The following GNAI1 variants were observed in gnomAD, a reference collection of about 807,000 sequenced individuals.
The protein encoded by GNAI1 is guanine nucleotide-binding protein G(i) subunit alpha-1.
In GNAI1, 11 loss-of-function variants were observed where a neutral mutation model predicts 38.9. The ratio of observed to expected loss-of-function variants is 0.28; its 90% CI spans 0.18 to 0.47. The LOEUF is 0.47. Among genes scored for constraint, GNAI1 ranks in the 20% least tolerant of loss-of-function variants. The probability of loss-of-function intolerance (pLI) is 0.99; values close to 1 mark genes in which losing one functional copy is unlikely to be tolerated. For synonymous variants in GNAI1, 166 were observed against 145.1 expected, an observed-to-expected ratio of 1.14 and a Z score of -1.04; for missense variants, 317 against 436.9, an observed-to-expected ratio of 0.73 and a Z score of 2.45.
intron 1 of GNAI1, among the ~76,000 whole-genome samples, chr7:80,155,460 C>T (rs1346418856): frequency 6.6e-6 from 1 of 152,118 alleles, no homozygotes; most frequent in Non-Finnish European, 1.5e-5. Flanking sequence ...TCAGTGATTT[C>T]CGTTAGGTAG....
intron 1 of GNAI1, among the ~76,000 whole-genome samples, chr7:80,175,284 T>G (rs1788161761): frequency 6.6e-6 from 1 of 152,212 alleles, no homozygotes; most frequent in African/African-American, 2.4e-5. Context: ...TCTCGGCGTC[T>G]TCACAAGACT....
rs949835727 is a variant in GNAI1, at chr7:80,186,320, C to T, written c.119-2631C>T. Among the ~76,000 whole-genome samples the T allele has an allele frequency of 3.9e-5, 6 of 152,212 alleles. No homozygotes were observed. The South Asian group carries it at 6.2e-4, about 16-fold the overall frequency. ...TGCTGGGATTACAGGCATGAGCCAC[C>T]GTGCCTGGCCCCCCACTCTTTAATG... On this transcript the variant is annotated intron_variant, in intron 1 of 7. Coordinates refer to ENST00000649796, the MANE Select transcript of GNAI1 (RefSeq NM_002069.6).
At position 80,135,129 on chromosome 7, in the gene GNAI1, G is replaced by A; in HGVS notation, c.-32G>A. 1.4e-6 allele frequency: 2 copies of A among 1,420,102 alleles called. No individual in the cohort carries two copies. The highest frequency in any genetic ancestry group is 1.9e-6 in the Non-Finnish European group (2 of 1,062,516). The allele number at this position is 1,420,102 out of a possible 1,614,324, so 88.0% of individuals were successfully genotyped here. A position where few individuals can be genotyped will look rare whatever the true frequency, so the allele number is the denominator to read the frequency against. On this transcript the variant is annotated 5_prime_UTR_variant, in exon 1 of 8. Coordinates refer to ENST00000649796, the MANE Select transcript of GNAI1 (RefSeq NM_002069.6). The stretch of plus-strand genomic sequence containing the variant: ...CTTGGAGCCCGCACTCGGGCGCGGA[G>A]GGAGCGGCGGCAGGCTCTCGCTTTC...
chr7:80,173,151 T>C (rs1421084142), intron 1 of GNAI1, among the ~76,000 whole-genome samples: 1 of 152,194 alleles, frequency 6.6e-6, no homozygotes, highest in Non-Finnish European at 1.5e-5. Flanking sequence ...CTTCCCGTAC[T>C]TGTTTTCTCC....
chr7:80,190,817 C>CA (rs1764119465), intron 3 of GNAI1, among the ~76,000 whole-genome samples: 3 of 152,078 alleles, frequency 2.0e-5, no homozygotes, highest in South Asian at 2.1e-4. Context: ...CATGAAGGGT[C>CA]AATACAAACA....
chr7:80,140,392 C>T (rs995855693), intron 1 of GNAI1, among the ~76,000 whole-genome samples: 1 of 152,152 alleles, frequency 6.6e-6, no homozygotes, highest in African/African-American at 2.4e-5. Flanking sequence ...CTGAAAAAGA[C>T]TGCTGTAATT....
intron 1 of GNAI1, among the ~76,000 whole-genome samples, chr7:80,156,638 T>G (rs1787823398): frequency 6.6e-6 from 1 of 152,134 alleles, no homozygotes; most frequent in African/African-American, 2.4e-5. Flanking sequence ...CTTGCTCTGT[T>G]TCCCAGGCTG....
chr7:80,217,246 T>TATGTATGAAACTGAA, intron 7 of GNAI1, 57 bp from the exon 8 acceptor site: 7 of 1,152,008 alleles, frequency 6.1e-6, no homozygotes, highest in Non-Finnish European at 6.2e-6. Flanking sequence ...GAATTCAGTA[T>TATGTATGAAACTGAA]TTTAAGCAGT....
At chr7:80,152,685 C>T (rs926154360) in intron 1 of GNAI1, among the ~76,000 whole-genome samples, 8 of 151,706 alleles carry the variant, frequency 5.3e-5, no homozygotes, top group African/African-American at 1.7e-4. Flanking sequence ...CTCAGCCTCC[C>T]GAGTAGCTGG....
intron 3 of GNAI1, among the ~76,000 whole-genome samples, chr7:80,191,370 A>G (rs957856882): frequency 3.9e-5 from 6 of 152,000 alleles, no homozygotes; most frequent in Admixed American, 3.9e-4. Flanking sequence ...TGAATAAGAA[A>G]CATTTTATTA....
At chr7:80,185,326 A>G (rs1279194602) in intron 1 of GNAI1, among the ~76,000 whole-genome samples, 1 of 152,104 alleles carries the variant, frequency 6.6e-6, no homozygotes, top group Non-Finnish European at 1.5e-5. Context: ...GTTCCTATAG[A>G]TAGTATTTCT....
chr7:80,178,537 T>G (rs1788233661), intron 1 of GNAI1, among the ~76,000 whole-genome samples: 1 of 152,200 alleles, frequency 6.6e-6, no homozygotes, highest in African/African-American at 2.4e-5. Context: ...GCCATCACCA[T>G]GGAGGCAGGA....
At chr7:80,185,727 C>G (rs944972630) in intron 1 of GNAI1, among the ~76,000 whole-genome samples, 16 of 152,132 alleles carry the variant, frequency 1.1e-4, no homozygotes, top group African/African-American at 3.9e-4. Flanking sequence ...CACTCCCAGC[C>G]TCCCAGAAGT....
intron 1 of GNAI1, among the ~76,000 whole-genome samples, chr7:80,139,272 T>C (rs1283228238): frequency 6.6e-6 from 1 of 152,216 alleles, no homozygotes; most frequent in Non-Finnish European, 1.5e-5. Context: ...CAATAGGCTC[T>C]CTTGCATCTT....
chr7:80,215,763 A>AGTTT (rs10634691), intron 7 of GNAI1, among the ~76,000 whole-genome samples: 44,227 of 151,858 alleles, frequency 0.29, 7,599 homozygotes, highest in African/African-American at 0.48. Context: ...AGGAGGAAAA[A>AGTTT]GTTTTTAAGT....
intron 5 of GNAI1, among the ~76,000 whole-genome samples, chr7:80,205,211 A>G (rs909524825): frequency 6.6e-6 from 1 of 152,160 alleles, no homozygotes; most frequent in Non-Finnish European, 1.5e-5. Flanking sequence ...CATGTCCTAT[A>G]CCAAATATTC....
At chr7:80,200,117 AC>A (rs1285236336) in intron 4 of GNAI1, among the ~76,000 whole-genome samples, 2 of 151,514 alleles carry the variant, frequency 1.3e-5, no homozygotes, top group African/African-American at 4.9e-5. Flanking sequence ...GGTGTTTGAG[AC>A]CCATCTGGGT....
intron 7 of GNAI1, among the ~76,000 whole-genome samples, chr7:80,213,733 A>G (rs1302947551): frequency 6.6e-6 from 1 of 152,062 alleles, no homozygotes; most frequent in Non-Finnish European, 1.5e-5. Context: ...AGTGAAGAGC[A>G]TTCAGTATGC....
intron 5 of GNAI1, among the ~76,000 whole-genome samples, chr7:80,207,072 T>TC (rs1327772609): frequency 6.6e-6 from 1 of 152,040 alleles, no homozygotes; most frequent in Non-Finnish European, 1.5e-5. Flanking sequence ...AGACTTAGGT[T>TC]CCCCTAATAA....
Sources: allele counts gnomAD v4.1 joint callset (sites outside exome capture counted in the v4.1 genomes callset), GRCh38; gene constraint gnomAD v4.1.1; transcripts MANE v1.5; gene names NCBI Gene and HGNC (gene_info 2026-07-23, HGNC 2026-07-21).